PYCR2: variants seen among roughly 807,000 people sequenced by gnomAD.
PYCR2 encodes pyrroline-5-carboxylate reductase 2.
PYCR2 carries 17 observed loss-of-function variants against 23.4 expected under a neutral mutation model. The ratio of observed to expected loss-of-function variants is 0.73; its 90% CI spans 0.50 to 1.09. PYCR2 has a LOEUF of 1.09. PYCR2 is among the 50% of genes least tolerant of loss of function. PYCR2 has a pLI of 0.00. For synonymous variants in PYCR2, 172 were observed against 176.6 expected (o/e 0.97, Z 0.21); for missense variants, 380 against 423.5 (o/e 0.90, Z 0.90).
In PYCR2 at chr1:225,921,741, T is replaced by A; in HGVS notation, c.541-97A>T. 2 of 1,580,432 alleles carry A rather than the reference T, an allele frequency of 1.3e-6. No homozygotes were observed. The highest frequency in any genetic ancestry group is 1.7e-6 in the Non-Finnish European group (2 of 1,152,230). ...CTAGAACTAGCTCCAAGGGTCAGCA[T>A]CCTGTACCAGCCAGCTGTGCCCAAG... On this transcript the variant is annotated intron_variant, in intron 4 of 6. Coordinates refer to ENST00000343818, the MANE Select transcript of PYCR2 (RefSeq NM_013328.4). The surrounding 1 kb of genome is among the most constrained non-coding windows in gnomAD (Gnocchi z 4.2).
At chr1:225,922,901 A>C (rs1338260389) in intron 2 of PYCR2, 1 of 781,294 alleles carries the variant, frequency 1.3e-6, no homozygotes, top group Admixed American at 6.0e-5. Context: ...AGGCACAGAC[A>C]CTGCCTGTCA....
At chr1:225,923,590 C>T in intron 2 of PYCR2, 111 bp downstream of exon 2, 1 of 1,580,420 alleles carries the variant, frequency 6.3e-7, no homozygotes, top group Admixed American at 1.7e-5. Flanking sequence ...TAAAGGTCAC[C>T]GCCGGCCAAA....
chr1:225,921,679 C>T lies in PYCR2; in HGVS notation c.541-35G>A, dbSNP rs368054035. 1 of 1,609,588 alleles carries T rather than the reference C, an allele frequency of 6.2e-7. No individual in the cohort carries two copies. The highest frequency in any genetic ancestry group is 1.1e-5 in the South Asian group (1 of 91,004). The stretch of plus-strand genomic sequence containing the variant: ...CACTCACTAAGCCCCAGGCCATAGG[C>T]ACTGAAGGGCCTTTCCTTAGGTCTG... On this transcript the variant is annotated intron_variant, in intron 4 of 6. Coordinates refer to ENST00000343818, the MANE Select transcript of PYCR2 (RefSeq NM_013328.4). This position sits in a 1 kb window ranked among gnomAD's most constrained non-coding sequence, Gnocchi z 4.2.
In PYCR2 at chr1:225,923,896, G is replaced by A. The variant is rs1671918593; in HGVS notation, c.68-125C>T. Reference sequence around the variant, plus strand: ...CCCTCTCCCCCTCAACCCTCTACGAGGACAGAAGACGCACTTGCTGCTCAA... The same window carrying A: ...CCCTCTCCCCCTCAACCCTCTACGAAGACAGAAGACGCACTTGCTGCTCAA... On this transcript the variant is annotated intron_variant, in intron 1 of 6. Coordinates refer to ENST00000343818, the MANE Select transcript of PYCR2 (RefSeq NM_013328.4). 6 of 1,492,290 alleles carry A rather than the reference G, an allele frequency of 4.0e-6. No individual in the cohort carries two copies. In the Admixed American group the frequency reaches 5.9e-5, roughly 15 times the overall value. The allele number at this position is 1,492,290 out of a possible 1,614,324, so 92.4% of individuals were successfully genotyped here.
At position 225,922,212 on chromosome 1, in the gene PYCR2, C is replaced by A. The variant is rs767242616; in HGVS notation, c.310G>T (p.Val104Leu). Residue 104 changes from valine to leucine, a missense_variant, in exon 3 of 7, where the codon GTG becomes TTG. Coordinates refer to ENST00000343818, the MANE Select transcript of PYCR2 (RefSeq NM_013328.4). Reference sequence around the variant, plus strand: ...AGGGCTGAGATGGGCACCTTCTCCACAGAGCTGATGGTGACACCAGCCGCA... The same window carrying A: ...AGGGCTGAGATGGGCACCTTCTCCAAAGAGCTGATGGTGACACCAGCCGCA... ...SCAAGVTISS[V>L]EKKLMAFQPA... 4 of 1,613,426 alleles carry A rather than the reference C, an allele frequency of 2.5e-6. No individual in the cohort carries two copies. In the South Asian group the frequency reaches 4.4e-5, roughly 18 times the overall value.
rs749490826 is a variant in PYCR2, at chr1:225,923,695, A to C, written c.138+6T>G. The C allele has an allele frequency of 6.2e-7, 1 of 1,613,832 alleles. No individual in the cohort carries two copies. The highest frequency in any genetic ancestry group is 1.1e-5 in the South Asian group (1 of 91,066). On this transcript the variant is annotated splice_donor_region_variant and intron_variant, in intron 2 of 6. Transcript: ENST00000343818. ...CCCGCTTCCCACTCCGCCCGGCTCC[A>C]CCTACCCTGAGCGCGGACACCGTGG... is the stretch of plus-strand genomic sequence containing the variant.
In PYCR2 at chr1:225,921,260, C is replaced by T. The variant is rs1336290807; in HGVS notation, c.745G>A (p.Gly249Ser). The stretch of plus-strand genomic sequence containing the variant: ...GCATTGATGAGCAGAGAGCGGAAGC[C>T]CCCACTCTCTAGAAAGTGCAGGGCG... ...IHALHFLESG[G>S]FRSLLINAVE... The change falls in exon 6 of 7, where the codon GGC becomes AGC. Residue 249 changes from glycine (G) to serine (S), a missense_variant. Gly to Ser is a moderately conservative substitution (Grantham distance 56). Transcript: ENST00000343818. This position sits in a 1 kb window ranked among gnomAD's most constrained non-coding sequence, Gnocchi z 4.2. The T allele has an allele frequency of 8.1e-6, 13 of 1,613,902 alleles. No homozygotes were observed. The Admixed American group carries it at 2.2e-4, about 27-fold the overall frequency.
chr1:225,923,091 T>G lies in PYCR2; in HGVS notation c.138+610A>C, dbSNP rs1040096636. 5.7e-6 allele frequency: 5 copies of G among 877,886 alleles called. No homozygotes were observed. In the African/African-American group the frequency reaches 9.1e-5, roughly 16 times the overall value. The allele number at this position is 877,886 out of a possible 1,614,324, so 54.4% of individuals were successfully genotyped here. A position where few individuals can be genotyped will look rare whatever the true frequency, so the allele number is the denominator to read the frequency against. ...AGGAAATAGCCTCAAAGTGGCTGAG[T>G]ACTTTAAGGTCATACAACTCGTCTA... On this transcript the variant is annotated intron_variant, in intron 2 of 6. Transcript: ENST00000343818.
In PYCR2 at chr1:225,920,324, A is replaced by C. The variant is rs1671802004; in HGVS notation, c.*131T>G. On this transcript the variant is annotated 3_prime_UTR_variant, in exon 7 of 7. Coordinates refer to ENST00000343818, the MANE Select transcript of PYCR2 (RefSeq NM_013328.4). ...AAGGAGGTTTTATCACAAGGACCTGAAAACTTCCTAAGCATGCTTTCTCCT... is the reference window on the plus strand; with the variant it reads ...AAGGAGGTTTTATCACAAGGACCTGCAAACTTCCTAAGCATGCTTTCTCCT... 1 of 912,164 alleles carries C rather than the reference A, an allele frequency of 1.1e-6. No homozygotes were observed. Among genetic ancestry groups the C allele is most frequent in the Middle Eastern group, 3.6e-4 (1 of 2,740 alleles). 56.5% of individuals were successfully genotyped at this position (912,164 alleles called of 1,614,324 possible).
In PYCR2 at chr1:225,924,218, G is replaced by A. The variant is rs1671936373; in HGVS notation, c.-108C>T. On this transcript the variant is annotated 5_prime_UTR_variant, in exon 1 of 7. Coordinates refer to ENST00000343818, the MANE Select transcript of PYCR2 (RefSeq NM_013328.4). Reference sequence around the variant, plus strand: ...CGCAGGGGCGAACGGGCGGCGTGCCGAGGACCGGCGAGCTAACAGCAGCTT... The same window carrying A: ...CGCAGGGGCGAACGGGCGGCGTGCCAAGGACCGGCGAGCTAACAGCAGCTT... The A allele has an allele frequency of 2.4e-6, 3 of 1,239,562 alleles. No individual in the cohort carries two copies. Among genetic ancestry groups the A allele is most frequent in the Non-Finnish European group, 2.2e-6 (2 of 914,128 alleles). 76.8% of individuals were successfully genotyped at this position (1,239,562 alleles called of 1,614,324 possible). A position where few individuals can be genotyped will look rare whatever the true frequency, so the allele number is the denominator to read the frequency against.
At chr1:225,923,005 T>G (rs1671886106) in intron 2 of PYCR2, 1 of 978,990 alleles carries the variant, frequency 1.0e-6, no homozygotes, top group African/African-American at 1.7e-5. Context: ...ACTCACCAGA[T>G]TCTTCCCAAT....
chr1:225,923,535 T>A (rs1055953554), intron 2 of PYCR2, 166 bp downstream of exon 2: 1 of 1,462,170 alleles, frequency 6.8e-7, no homozygotes, highest in African/African-American at 1.4e-5. Flanking sequence ...TCCCACCACA[T>A]TGAGCTGCCC....
rs1003838144 is a variant in PYCR2, at chr1:225,920,171, C to T, written c.*284G>A. 1 of 218,436 alleles carries T rather than the reference C, an allele frequency of 4.6e-6. No homozygotes were observed. The highest frequency in any genetic ancestry group is 2.3e-5 in the African/African-American group (1 of 43,574). 13.5% of individuals were successfully genotyped at this position (218,436 alleles called of 1,614,324 possible). ...CCAGCTGGGCTGACTCCAGTCCCAGCCCCAGTCTCCACCAACTGAGCAGCG... is the reference window on the plus strand; with the variant it reads ...CCAGCTGGGCTGACTCCAGTCCCAGTCCCAGTCTCCACCAACTGAGCAGCG... On this transcript the variant is annotated 3_prime_UTR_variant, in exon 7 of 7. Coordinates refer to ENST00000343818, the MANE Select transcript of PYCR2 (RefSeq NM_013328.4).
At chr1:225,923,349 G>A in intron 2 of PYCR2, 5 of 684,694 alleles carry the variant, frequency 7.3e-6, no homozygotes, top group South Asian at 3.9e-5. Flanking sequence ...CTGAGATCGC[G>A]CCACTGCACT....
At chr1:225,922,118 C>A in intron 3 of PYCR2, 39 bp from the exon 4 acceptor site, 3 of 1,608,044 alleles carry the variant, frequency 1.9e-6, no homozygotes, top group Non-Finnish European at 2.6e-6. Flanking sequence ...GGCCAGGGCA[C>A]GGCTCCCACC....
chr1:225,922,030 T>C lies in PYCR2; in HGVS notation c.368A>G (p.Asn123Ser). 1 of 1,614,158 alleles carries C rather than the reference T, an allele frequency of 6.2e-7. No homozygotes were observed. The highest frequency in any genetic ancestry group is 8.5e-7 in the Non-Finnish European group (1 of 1,180,016). The change falls in exon 4 of 7, where the codon AAC (asparagine) becomes AGC (serine). Residue 123 changes from asparagine to serine, a missense_variant. By Grantham distance (46) the Asn-to-Ser change is conservative (BLOSUM62 1). Transcript: ENST00000343818. ...GCCTTCCTGCACTACCACAGGTGTGTTGGTCATGCAGCGAATCACTTTGGG... is the reference window on the plus strand; with the variant it reads ...GCCTTCCTGCACTACCACAGGTGTGCTGGTCATGCAGCGAATCACTTTGGG... ...PAPKVIRCMT[N>S]TPVVVQEGAT...
intron 2 of PYCR2, 48 bp from the exon 3 acceptor site, chr1:225,922,431 G>A (rs1394398725): frequency 1.5e-5 from 24 of 1,574,924 alleles, no homozygotes; most frequent in Non-Finnish European, 2.0e-5. Flanking sequence ...GCCTGGCTAT[G>A]CCAAGGCCTC....
At chr1:225,923,635 A>G in intron 2 of PYCR2, 66 bp downstream of exon 2, 1 of 1,609,872 alleles carries the variant, frequency 6.2e-7, no homozygotes, top group Non-Finnish European at 8.5e-7. Flanking sequence ...GGCCAGACTC[A>G]CTTCATCTCA....
At position 225,921,538 on chromosome 1, in the gene PYCR2, G is replaced by A. The variant is rs1213052392; in HGVS notation, c.633+14C>T. On this transcript the variant is annotated intron_variant, in intron 5 of 6. Coordinates refer to ENST00000343818, the MANE Select transcript of PYCR2 (RefSeq NM_013328.4). The surrounding 1 kb of genome is among the most constrained non-coding windows in gnomAD (Gnocchi z 4.2). ...TACACCCTGGTCCTGAACATGCGGG[G>A]GAAAGATACTGACCAGCAAAGCCTG... The A allele has an allele frequency of 1.9e-6, 3 of 1,613,858 alleles. No homozygotes were observed. The African/African-American group carries it at 4.0e-5, about 22-fold the overall frequency.
Sources: gnomAD v4.1 joint callset for allele counts on GRCh38, gnomAD v4.1.1 for gene constraint, Gnocchi (gnomAD v3.1) non-coding constraint, MANE v1.5 for transcripts, NCBI Gene and HGNC (gene_info 2026-07-23, HGNC 2026-07-21) for gene names.